MED23: variants seen among roughly 807,000 people sequenced by gnomAD.
MED23 encodes mediator of RNA polymerase II transcription subunit 23.
Under a neutral mutation model 163.9 loss-of-function variants are expected in MED23, and 105 were observed. The ratio of observed to expected loss-of-function variants is 0.64; its 90% CI spans 0.55 to 0.75. The LOEUF is 0.75. MED23 is among the 30% of genes least tolerant of loss of function. The pLI, the probability that MED23 is intolerant of heterozygous loss-of-function variation, is 0.00. For synonymous variants in MED23, 561 were observed against 565.6 expected (o/e 0.99, Z 0.12); for missense variants, 1,054 against 1,649.0 (o/e 0.64, Z 6.25).
downstream of MED23, among the ~76,000 whole-genome samples, chr6:131,585,655 C>T (rs928804564): frequency 4.6e-5 from 7 of 152,172 alleles, no homozygotes; most frequent in East Asian, 1.3e-3. Context: ...AAGAACATTT[C>T]CATCATTGCA....
chr6:131,623,840 G>A (rs1455626724), intron 4 of MED23, among the ~76,000 whole-genome samples: 2 of 152,100 alleles, frequency 1.3e-5, no homozygotes, highest in Non-Finnish European at 2.9e-5. Context: ...ACCCAGTCTC[G>A]GGTATATCTT....
chr6:131,613,148 T>C (rs1355552080), intron 10 of MED23, among the ~76,000 whole-genome samples: 3 of 152,156 alleles, frequency 2.0e-5, no homozygotes, highest in Admixed American at 6.5e-5. Context: ...ATCAAATGAA[T>C]GATGAATACT....
At chr6:131,576,639 G>A in intron 30 of MED23, 2 of 1,598,920 alleles carry the variant, frequency 1.3e-6, no homozygotes, top group Non-Finnish European at 1.7e-6. Flanking sequence ...AATGTCTGAA[G>A]TACTTTATTT....
intron 30 of MED23, among the ~76,000 whole-genome samples, chr6:131,578,338 A>G (rs560843759): frequency 6.6e-6 from 1 of 152,310 alleles, no homozygotes; most frequent in South Asian, 2.1e-4. Flanking sequence ...TCACACAGAC[A>G]TGTAACAAAT....
chr6:131,579,002 T>C (rs1773774433), intron 30 of MED23: 1 of 1,291,360 alleles, frequency 7.7e-7, no homozygotes, highest in South Asian at 1.4e-5. Context: ...GGTTTTTCCT[T>C]TGCTTATACT....
At position 131,593,179 on chromosome 6, in the gene MED23, C is replaced by G; in HGVS notation, c.3233-8G>C. On this transcript the variant is annotated splice_polypyrimidine_tract_variant and splice_region_variant and intron_variant, in intron 23 of 28. Transcript: ENST00000368068. ...GAGATTTGCCAGCCATCGGTGCACA[C>G]AGTTAAAGCAATAACAATTGGACTA... 1 of 1,614,076 alleles carries G rather than the reference C, an allele frequency of 6.2e-7. No homozygotes were observed. The highest frequency in any genetic ancestry group is 8.5e-7 in the Non-Finnish European group (1 of 1,179,980).
chr6:131,600,281 C>CAG, intron 17 of MED23, 119 bp from the exon 18 acceptor site: 2 of 984,876 alleles, frequency 2.0e-6, no homozygotes, highest in Non-Finnish European at 3.1e-6. Flanking sequence ...GCATTCACTG[C>CAG]TTAACTAGTT....
downstream of MED23, among the ~76,000 whole-genome samples, chr6:131,582,873 A>G (rs913234389): frequency 6.6e-6 from 1 of 152,178 alleles, no homozygotes; most frequent in Admixed American, 6.5e-5. Flanking sequence ...ATACATATGT[A>G]TGTATCCAGG....
chr6:131,620,600 T>C (rs766678228), intron 7 of MED23, 28 bp downstream of exon 7: 5 of 1,538,140 alleles, frequency 3.3e-6, no homozygotes, highest in East Asian at 2.3e-5. Context: ...AAAATTTTTA[T>C]TAAAAATTCA....
At position 131,594,836 on chromosome 6, in the gene MED23, AC is replaced by A. The variant is rs1213147803; in HGVS notation, c.2996-502del. ...AACAAACAAACAAACAAACAAACAA[AC>A]AAAACCAGCCAGGATATCTAAGAGG... On this transcript the variant is annotated intron_variant, in intron 22 of 28. Transcript: ENST00000368068. 6.9e-5 allele frequency among the ~76,000 whole-genome samples: 5 copies of A among 72,364 alleles called. No individual in the cohort carries two copies. The East Asian group carries it at 2.2e-3, about 32-fold the overall frequency. 47.5% of individuals were successfully genotyped at this position (72,364 alleles called of 152,430 possible).
chr6:131,574,188 T>C, exon 31 of MED23: 2 of 1,319,330 alleles, frequency 1.5e-6, no homozygotes, highest in South Asian at 2.4e-5. Flanking sequence ...AACAAGACAA[T>C]GTATGAGTTG....
intron 7 of MED23, 151 bp downstream of exon 7, chr6:131,620,477 T>A (rs1457291632): frequency 1.5e-6 from 1 of 651,572 alleles, no homozygotes; most frequent in Non-Finnish European, 2.8e-6. Context: ...TTTTTTAATG[T>A]TTTGCAGAGA....
chr6:131,603,473 A>G (rs146523623), intron 15 of MED23, among the ~76,000 whole-genome samples: 63 of 152,254 alleles, frequency 4.1e-4, no homozygotes, highest in African/African-American at 1.4e-3. Context: ...ACAAGATATG[A>G]AAAAACATTA....
Position 131,605,096 on chromosome 6 carries a change from C to CTT in MED23, c.1613+142_1613+143dup, listed in dbSNP as rs780623188. 3.8e-4 allele frequency: 309 copies of CTT among 804,544 alleles called. 1 individual carries two copies. Among genetic ancestry groups the CTT allele is most frequent in the Non-Finnish European group, 1.9e-4 (99 of 525,306 alleles). The allele number at this position is 804,544 out of a possible 1,614,324, so 49.8% of individuals were successfully genotyped here. A position where few individuals can be genotyped will look rare whatever the true frequency, so the allele number is the denominator to read the frequency against. On this transcript the variant is annotated intron_variant, in intron 14 of 28. Coordinates refer to ENST00000368068, the MANE Select transcript of MED23 (RefSeq NM_004830.4). ...GAATTCCTATAATAAAAAATATTTA[C>CTT]TTTTGTAATAAAATAAAGCTAACTT...
chr6:131,620,526 C>G (rs1777020425), intron 7 of MED23, 102 bp downstream of exon 7: 1 of 787,066 alleles, frequency 1.3e-6, no homozygotes, highest in South Asian at 1.4e-5. Context: ...GTCTTGAACT[C>G]TTGTCCTCAA....
chr6:131,587,461 C>T lies in MED23; in HGVS notation c.*218G>A. The T allele has an allele frequency of 1.4e-6, 2 of 1,388,756 alleles. No homozygotes were observed. The highest frequency in any genetic ancestry group is 1.9e-6 in the Non-Finnish European group (2 of 1,071,732). 86.0% of individuals were successfully genotyped at this position (1,388,756 alleles called of 1,614,324 possible). ...AATAAGTTGTTATGAATATGAACAA[C>T]ATGTATCTTACTTGATCTCTTAGAG... On this transcript the variant is annotated 3_prime_UTR_variant, in exon 29 of 29. Coordinates refer to ENST00000368068, the MANE Select transcript of MED23 (RefSeq NM_004830.4).
intron 18 of MED23, among the ~76,000 whole-genome samples, chr6:131,599,085 G>T (rs1406086317): frequency 6.6e-6 from 1 of 152,176 alleles, no homozygotes; most frequent in Non-Finnish European, 1.5e-5. Context: ...GGCTACATAT[G>T]TTAGTGTCTT....
At position 131,606,376 on chromosome 6, in the gene MED23, T is replaced by C. The variant is rs1196259568; in HGVS notation, c.1367+103A>G. The stretch of plus-strand genomic sequence containing the variant: ...TATTTGCCCTTACCTATAGTGGGTA[T>C]GCGGAGATTTCCAAATTTCACACAA... On this transcript the variant is annotated intron_variant, in intron 13 of 28. Coordinates refer to ENST00000368068, the MANE Select transcript of MED23 (RefSeq NM_004830.4). 4.2e-6 allele frequency: 5 copies of C among 1,191,558 alleles called. No homozygotes were observed. In the African/African-American group the frequency reaches 6.0e-5, roughly 14 times the overall value. 73.8% of individuals were successfully genotyped at this position (1,191,558 alleles called of 1,614,324 possible). A position where few individuals can be genotyped will look rare whatever the true frequency, so the allele number is the denominator to read the frequency against.
At chr6:131,595,105 T>C (rs946940002) in intron 22 of MED23, among the ~76,000 whole-genome samples, 1 of 152,230 alleles carries the variant, frequency 6.6e-6, no homozygotes, top group Admixed American at 6.5e-5. Context: ...CAGGACTGCC[T>C]GCCAGACAAA....
Sources: gnomAD v4.1 joint callset for allele counts (sites outside exome capture counted in the v4.1 genomes callset) on GRCh38, gnomAD v4.1.1 for gene constraint, MANE v1.5 for transcripts, NCBI Gene and HGNC (gene_info 2026-07-23, HGNC 2026-07-21) for gene names.